Variants in POLR1C observed in about 807,000 individuals in gnomAD.
POLR1C encodes DNA-directed RNA polymerases I and III subunit RPAC1.
A neutral mutation model predicts 38.3 loss-of-function variants in POLR1C; 42 were observed. The ratio of observed to expected loss-of-function variants is 1.10; its 90% confidence interval spans 0.86 to 1.42. POLR1C has a LOEUF of 1.42. Among genes scored for constraint, POLR1C ranks in the 40% most tolerant of loss-of-function variants. The pLI, the probability that POLR1C is intolerant of heterozygous loss-of-function variation, is 0.00. For synonymous variants in POLR1C, 163 were observed against 163.9 expected (o/e 0.99, Z 0.04); for missense variants, 507 against 450.5 (o/e 1.13, Z -1.14).
downstream of POLR1C, chr6:43,523,854 C>T: frequency 6.2e-7 from 1 of 1,613,954 alleles, no homozygotes; most frequent in Non-Finnish European, 8.5e-7. Flanking sequence ...AGGAAGGATG[C>T]CCAAAAGCTT....
intron 2 of POLR1C, 73 bp downstream of exon 2, chr6:43,517,450 C>T (rs1240075774): frequency 7.7e-7 from 1 of 1,303,294 alleles, no homozygotes; most frequent in Admixed American, 1.7e-5. Flanking sequence ...CTGTGTCTGT[C>T]TCAGAAGCTG....
chr6:43,526,910 G>A, intron 8 of POLR1C: 1 of 666,552 alleles, frequency 1.5e-6, no homozygotes, highest in Non-Finnish European at 2.7e-6. Flanking sequence ...AGAAATAGAG[G>A]CATTCTGATG....
chr6:43,525,678 GC>G, downstream of POLR1C: 1 of 701,398 alleles, frequency 1.4e-6, no homozygotes, highest in Non-Finnish European at 2.3e-6. Flanking sequence ...CCATGGCATT[GC>G]ACCTTTTCCC....
rs947036968 is a variant in POLR1C at position 43,528,726 on chromosome 6, G to A, written c.923-523G>A. The A allele has an allele frequency of 8.1e-6, 9 of 1,114,166 alleles. No homozygotes were observed. The African/African-American group carries it at 9.3e-5, about 12-fold the overall frequency. The allele number at this position is 1,114,166 out of a possible 1,614,324, so 69.0% of individuals were successfully genotyped here. A position where few individuals can be genotyped will look rare whatever the true frequency, so the allele number is the denominator to read the frequency against. On this transcript the variant is annotated intron_variant, in intron 8 of 8. Coordinates refer to the POLR1C transcript ENST00000304004. The stretch of plus-strand genomic sequence containing the variant: ...AGCTCTGCCCAGCCAGTCTGGCAGG[G>A]CTAGTAGACAACACTTCTAGGAGCT...
In POLR1C at chr6:43,548,944, T is replaced by C. The variant is rs116313506; in HGVS notation, c.*5-2024T>C. Among the ~76,000 whole-genome samples, 747 of 152,312 alleles carry C rather than the reference T, an allele frequency of 4.9e-3. 5 individuals carry two copies. Among genetic ancestry groups the C allele is most frequent in the African/African-American group, 0.016 (679 of 41,566 alleles). ...CACATAGTAAAGAGTTGTAGAATTA[T>C]AGGGGTAAACTTAGTAATCTATATG... On this transcript the variant is annotated intron_variant, in intron 9 of 10. Transcript: ENST00000607635.
Position 43,546,807 on chromosome 6 carries a change from C to G in POLR1C, c.*5-4161C>G, listed in dbSNP as rs1264988351. On this transcript the variant is annotated intron_variant, in intron 9 of 10. Transcript: ENST00000607635. Reference sequence around the variant, plus strand: ...ATTAAAAGGAAAAAAAAAAAAAGACCAAATACTGTTAGATATATTCAAGGT... The same window carrying G: ...ATTAAAAGGAAAAAAAAAAAAAGACGAAATACTGTTAGATATATTCAAGGT... 15 of 1,382,360 alleles carry G rather than the reference C, an allele frequency of 1.1e-5. No individual in the cohort carries two copies. The African/African-American group carries it at 1.8e-4, about 16-fold the overall frequency. 85.6% of individuals were successfully genotyped at this position (1,382,360 alleles called of 1,614,324 possible).
chr6:43,548,114 A>G, intron 9 of POLR1C: 1 of 834,856 alleles, frequency 1.2e-6, no homozygotes, highest in Non-Finnish European at 1.8e-6. Flanking sequence ...ATTAAATTAC[A>G]AAAGACTGCT....
At chr6:43,536,697 T>G (rs1423983183) in intron 9 of POLR1C, among the ~76,000 whole-genome samples, 4 of 130,252 alleles carry the variant, frequency 3.1e-5, no homozygotes, top group African/African-American at 1.2e-4. Flanking sequence ...GAGGCAGAGG[T>G]TGCAGTGAGC....
intron 1 of POLR1C, 37 bp from the exon 2 acceptor site, chr6:43,517,269 C>G: frequency 6.2e-7 from 1 of 1,603,930 alleles, no homozygotes. Context: ...TGTGGGCTCA[C>G]TGTCCCTTCG....
chr6:43,556,251 C>T, intron 10 of POLR1C: 1 of 319,740 alleles, frequency 3.1e-6, no homozygotes, highest in Non-Finnish European at 5.9e-6. Flanking sequence ...GGATTGGGCA[C>T]AGTAGCTCAC....
downstream of POLR1C, among the ~76,000 whole-genome samples, chr6:43,530,451 A>C (rs1331513051): frequency 6.6e-6 from 1 of 152,102 alleles, no homozygotes; most frequent in Non-Finnish European, 1.5e-5. Flanking sequence ...TATCTGTAAT[A>C]ATTCCGAGAA....
chr6:43,530,765 T>A, downstream of POLR1C: 1 of 1,613,872 alleles, frequency 6.2e-7, no homozygotes, highest in Non-Finnish European at 8.5e-7. Context: ...GGTAGCAAGG[T>A]CCTCCACAGT....
At chr6:43,524,871 G>A, downstream of POLR1C, 1 of 1,613,972 alleles carries the variant, frequency 6.2e-7, no homozygotes, top group Non-Finnish European at 8.5e-7. Context: ...GACCAGGGAA[G>A]CCATGCACCC....
chr6:43,546,558 T>C, intron 9 of POLR1C: 1 of 1,595,394 alleles, frequency 6.3e-7, no homozygotes, highest in Non-Finnish European at 8.5e-7. Flanking sequence ...GAAAAGCCAT[T>C]ATTCTGACTC....
intron 9 of POLR1C, among the ~76,000 whole-genome samples, chr6:43,541,763 T>G (rs982070915): frequency 1.3e-5 from 2 of 152,252 alleles, no homozygotes; most frequent in Non-Finnish European, 2.9e-5. Context: ...TTGTAAGTAC[T>G]GTAGTAATCC....
At position 43,521,156 on chromosome 6, in the gene POLR1C, G is replaced by T. The variant is rs113321982; in HGVS notation, c.923-26G>T. The T allele has an allele frequency of 0.026, 41,022 of 1,607,494 alleles. 633 individuals are homozygous for T. The highest frequency in any genetic ancestry group is 0.035 in the South Asian group (3,158 of 90,988). On this transcript the variant is annotated intron_variant, in intron 8 of 8. Transcript: ENST00000642195. Reference sequence around the variant, plus strand: ...AAGTTTTACAGGCAAGCCCTGCCTAGACTAAAGTGTCTCTTTGGTCCCCAG... The same window carrying T: ...AAGTTTTACAGGCAAGCCCTGCCTATACTAAAGTGTCTCTTTGGTCCCCAG...
chr6:43,550,056 G>A (rs1201575101), intron 9 of POLR1C: 9 of 1,002,262 alleles, frequency 9.0e-6, no homozygotes, highest in Non-Finnish European at 1.4e-5. Flanking sequence ...TTAGCCTTCT[G>A]AGTAGCTGGG....
At chr6:43,557,183 T>C (rs1210953960) in intron 10 of POLR1C, among the ~76,000 whole-genome samples, 3 of 146,778 alleles carry the variant, frequency 2.0e-5, no homozygotes, top group Non-Finnish European at 4.5e-5. Context: ...TCCTAGTACT[T>C]TGGGAAGCCG....
chr6:43,560,410 A>T, intron 10 of POLR1C: 1 of 1,355,326 alleles, frequency 7.4e-7, no homozygotes. Flanking sequence ...AAATCTGTAC[A>T]ATACTTTGAA....
Sources: allele counts gnomAD v4.1 joint callset (sites outside exome capture counted in the v4.1 genomes callset), GRCh38; gene constraint gnomAD v4.1.1; transcripts MANE v1.5; gene names NCBI Gene and HGNC (gene_info 2026-07-23, HGNC 2026-07-21).